Variants in URGCP observed in about 807,000 individuals in gnomAD.
URGCP encodes the protein upregulator of cell proliferation.
A neutral mutation model predicts 24.6 loss-of-function variants in URGCP; 13 were observed. That is an observed-to-expected ratio of 0.53 (90% CI 0.34 to 0.84). The LOEUF (loss-of-function observed/expected upper bound fraction) is 0.84. URGCP is among the 40% of genes least tolerant of loss of function. The pLI, the probability that URGCP is intolerant of heterozygous loss-of-function variation, is 0.01. For missense variants in URGCP, 899 were observed against 1,194.3 expected (o/e 0.75, Z 3.64); for synonymous variants, 444 against 487.2 (o/e 0.91, Z 1.17).
At chr7:43,903,135 A>AAG (rs752895593) in intron 1 of URGCP, among the ~76,000 whole-genome samples, 4 of 150,684 alleles carry the variant, frequency 2.7e-5, no homozygotes, top group Admixed American at 6.6e-5. Flanking sequence ...AAAAAAAAAA[A>AAG]AGAGAGAGAG....
chr7:43,894,269 A>G (rs543192194), intron 1 of URGCP, among the ~76,000 whole-genome samples: 2 of 152,332 alleles, frequency 1.3e-5, no homozygotes, highest in African/African-American at 4.8e-5. Flanking sequence ...GCTTCAAAAT[A>G]TACATTCTTC....
In URGCP at chr7:43,878,367, T is replaced by A. The variant is rs1353283949; in HGVS notation, c.1096A>T (p.Ser366Cys). 1.9e-6 allele frequency: 3 copies of A among 1,614,136 alleles called. No homozygotes were observed. Among genetic ancestry groups the A allele is most frequent in the Non-Finnish European group, 2.5e-6 (3 of 1,180,054 alleles). Residue 366 changes from serine (S) to cysteine (C), a missense_variant, in exon 6 of 6, where the codon AGT (serine) becomes TGT (cysteine). Physicochemically the swap from Ser to Cys is moderately radical, Grantham distance 112. Transcript: ENST00000453200. This position sits in a 1 kb window ranked among gnomAD's most constrained non-coding sequence, Gnocchi z 5.6. ...SAVFILTDNI[S>C]KKEYKLLYSM... Reference sequence around the variant, plus strand: ...TACAGCAATTTGTATTCCTTCTTACTGATATTGTCAGTCAATATAAACACA... The same window carrying A: ...TACAGCAATTTGTATTCCTTCTTACAGATATTGTCAGTCAATATAAACACA...
intron 1 of URGCP, among the ~76,000 whole-genome samples, chr7:43,924,770 C>G (rs565938072): frequency 2.6e-5 from 4 of 152,028 alleles, no homozygotes; most frequent in Non-Finnish European, 5.9e-5. Flanking sequence ...CTGGAGGATA[C>G]TTTGAGTTTT....
intron 1 of URGCP, among the ~76,000 whole-genome samples, chr7:43,900,006 G>A (rs2095886857): frequency 6.6e-6 from 1 of 152,036 alleles, no homozygotes. Context: ...ATAGCCAGGT[G>A]TGGTGGCATG....
In URGCP at chr7:43,916,387, T is replaced by C. The variant is rs1479006842; in HGVS notation, c.-116+9745A>G. Among the ~76,000 whole-genome samples, 4 of 152,280 alleles carry C rather than the reference T, an allele frequency of 2.6e-5. No individual in the cohort carries two copies. In the East Asian group the frequency reaches 7.7e-4, roughly 29 times the overall value. On this transcript the variant is annotated intron_variant, in intron 1 of 5. Transcript: ENST00000426198. ...TTGGAGAAGGACTCAATTCCACAGC[T>C]TGACCTTAGCATTCAGCTTGGTAAG...
chr7:43,901,118 ATAACT>A (rs1369290972), intron 1 of URGCP, among the ~76,000 whole-genome samples: 1 of 152,260 alleles, frequency 6.6e-6, no homozygotes, highest in Non-Finnish European at 1.5e-5. Context: ...TGAAGATTAA[ATAACT>A]TAATATACGC....
At chr7:43,923,251 G>C (rs1237204060) in intron 1 of URGCP, among the ~76,000 whole-genome samples, 2 of 149,340 alleles carry the variant, frequency 1.3e-5, no homozygotes, top group Admixed American at 1.3e-4. Context: ...CAAAGTGCTG[G>C]AATTACAGGT....
chr7:43,881,730 A>G (rs762618446), intron 4 of URGCP, 33 bp from the exon 5 acceptor site: 8 of 1,614,114 alleles, frequency 5.0e-6, no homozygotes, highest in East Asian at 4.5e-5. Context: ...TGAAGTGTCA[A>G]TCAAATAATG....
intron 1 of URGCP, among the ~76,000 whole-genome samples, chr7:43,896,964 G>A (rs1390431299): frequency 1.3e-5 from 2 of 152,088 alleles, no homozygotes; most frequent in Non-Finnish European, 2.9e-5. Context: ...AACCTTTCTA[G>A]GAATTTAGGA....
At position 43,876,388 on chromosome 7, in the gene URGCP, C is replaced by T. The variant is rs1214759972; in HGVS notation, c.*279G>A. Reference sequence around the variant, plus strand: ...GAGCAGCTATACAGAGGGCCCACCCCGCAGGATCCTTGACAGGAGCTGAGA... The same window carrying T: ...GAGCAGCTATACAGAGGGCCCACCCTGCAGGATCCTTGACAGGAGCTGAGA... On this transcript the variant is annotated 3_prime_UTR_variant, in exon 6 of 6. Transcript: ENST00000453200. 4 of 442,316 alleles carry T rather than the reference C, an allele frequency of 9.0e-6. No homozygotes were observed. The highest frequency in any genetic ancestry group is 7.7e-5 in the Admixed American group (2 of 25,936). 27.4% of individuals were successfully genotyped at this position (442,316 alleles called of 1,614,324 possible). A position where few individuals can be genotyped will look rare whatever the true frequency, so the allele number is the denominator to read the frequency against.
intron 1 of URGCP, among the ~76,000 whole-genome samples, chr7:43,902,655 T>C (rs1210716208): frequency 6.6e-6 from 1 of 152,248 alleles, no homozygotes; most frequent in Non-Finnish European, 1.5e-5. Flanking sequence ...GAAGATGCCA[T>C]TAGCATCCTA....
chr7:43,915,772 G>A (rs2095914786), intron 1 of URGCP, among the ~76,000 whole-genome samples: 1 of 152,244 alleles, frequency 6.6e-6, no homozygotes, highest in South Asian at 2.1e-4. Context: ...ACTTTGGGAG[G>A]CTGAGGCGGG....
At chr7:43,926,284 G>C (rs114786517) in exon 1 of URGCP, 1 of 214,186 alleles carries the variant, frequency 4.7e-6, no homozygotes, top group Admixed American at 5.8e-5. Flanking sequence ...TGGCCTCTCC[G>C]GGGCCTTGCT....
intron 1 of URGCP, among the ~76,000 whole-genome samples, chr7:43,920,599 T>C (rs2132731910): frequency 6.6e-6 from 1 of 152,312 alleles, no homozygotes; most frequent in Non-Finnish European, 1.5e-5. Flanking sequence ...TTAAAACCTT[T>C]ATGTTTTTCT....
At chr7:43,924,064 C>T (rs1215282419) in intron 1 of URGCP, among the ~76,000 whole-genome samples, 5 of 151,404 alleles carry the variant, frequency 3.3e-5, no homozygotes, top group Admixed American at 2.6e-4. Flanking sequence ...GAGATGGGGT[C>T]TCACCATGTT....
chr7:43,898,200 T>C (rs1364996412), intron 1 of URGCP, among the ~76,000 whole-genome samples: 1 of 152,158 alleles, frequency 6.6e-6, no homozygotes, highest in East Asian at 1.9e-4. Context: ...TTCTCCATAA[T>C]GCAAAGAAAT....
intron 1 of URGCP, among the ~76,000 whole-genome samples, chr7:43,923,765 C>T (rs1368937652): frequency 2.6e-5 from 4 of 152,160 alleles, no homozygotes; most frequent in Admixed American, 1.3e-4. Flanking sequence ...AACATTTTCT[C>T]GCATTCTGTG....
At position 43,887,465 on chromosome 7, in the gene URGCP, A is replaced by G. The variant is rs1367682540; in HGVS notation, c.62T>C (p.Val21Ala). ...CTCTGATGCTTTTATTTCTGGGGCTACTTCTCCCAAATCTGAATGCCTGAA... is the reference window on the plus strand; with the variant it reads ...CTCTGATGCTTTTATTTCTGGGGCTGCTTCTCCCAAATCTGAATGCCTGAA... ...LGKGHSDLGE[V>A]APEIKASERR... The change falls in exon 3 of 6, where the codon GTA becomes GCA. Residue 21 changes from valine to alanine, a missense_variant. Physicochemically the swap from Val to Ala is moderately conservative, Grantham distance 64. Transcript: ENST00000453200. The G allele has an allele frequency of 6.2e-7, 1 of 1,613,910 alleles. No homozygotes were observed. Among genetic ancestry groups the G allele is most frequent in the Non-Finnish European group, 8.5e-7 (1 of 1,179,856 alleles).
chr7:43,883,348 ATATATATATATATATT>A (rs2095857182), intron 3 of URGCP, among the ~76,000 whole-genome samples: 1 of 95,888 alleles, frequency 1.0e-5, no homozygotes, highest in African/African-American at 6.5e-5. Context: ...ATATATATAT[ATATATATATATATATT>A]TTTTTTTTTT....
Sources: gnomAD v4.1 joint callset for allele counts (sites outside exome capture counted in the v4.1 genomes callset) on GRCh38, gnomAD v4.1.1 for gene constraint, Gnocchi (gnomAD v3.1) non-coding constraint, MANE v1.5 for transcripts, NCBI Gene and HGNC (gene_info 2026-07-23, HGNC 2026-07-21) for gene names.